The following CDYL2 variants were observed in gnomAD, a reference collection of about 807,000 sequenced individuals.
CDYL2 encodes chromodomain Y-like protein 2.
Under a neutral mutation model 49.4 loss-of-function variants are expected in CDYL2, and 23 were observed. The observed-to-expected ratio is 0.47, with a 90% CI of 0.34 to 0.66. The LOEUF is 0.66. Among genes scored for constraint, CDYL2 ranks in the 30% least tolerant of loss-of-function variants. The probability of loss-of-function intolerance (pLI) is 0.01; values close to 1 mark genes in which losing one functional copy is unlikely to be tolerated. For synonymous variants in CDYL2, 360 were observed against 268.8 expected (o/e 1.34, Z -3.32); for missense variants, 678 against 656.4 (o/e 1.03, Z -0.36).
At chr16:80,779,355 A>AAAC (rs150441189) in intron 1 of CDYL2, among the ~76,000 whole-genome samples, 33,284 of 151,806 alleles carry the variant, frequency 0.22, 6,142 homozygotes, top group African/African-American at 0.51. Flanking sequence ...TGCATTTTTT[A>AAAC]AATAATACGA....
intron 2 of CDYL2, among the ~76,000 whole-genome samples, chr16:80,667,257 C>T (rs780453750): frequency 6.6e-6 from 1 of 152,114 alleles, no homozygotes; most frequent in Admixed American, 6.5e-5. Context: ...TTAAGACAAG[C>T]CTGACTACCC....
intron 1 of CDYL2, among the ~76,000 whole-genome samples, chr16:80,727,674 A>T (rs1053867456): frequency 6.6e-6 from 1 of 152,244 alleles, no homozygotes; most frequent in African/African-American, 2.4e-5. Context: ...AGACAGCAGT[A>T]ACCTCTGCAG....
At chr16:80,748,608 G>T (rs193044845) in intron 1 of CDYL2, among the ~76,000 whole-genome samples, 12 of 149,222 alleles carry the variant, frequency 8.0e-5, no homozygotes, top group African/African-American at 2.7e-4. Flanking sequence ...TGGAAGACAG[G>T]GTTAATAAGA....
intron 1 of CDYL2, among the ~76,000 whole-genome samples, chr16:80,721,176 G>A (rs1220650773): frequency 6.6e-6 from 1 of 152,142 alleles, no homozygotes; most frequent in African/African-American, 2.4e-5. Flanking sequence ...CAGAATAAGA[G>A]TGCTAAGAAA....
chr16:80,766,520 GA>G (rs1300751386), intron 1 of CDYL2, among the ~76,000 whole-genome samples: 1 of 152,048 alleles, frequency 6.6e-6, no homozygotes, highest in Non-Finnish European at 1.5e-5. Context: ...CTTTCTAGGG[GA>G]AAAAAGGACT....
At chr16:80,753,967 C>G (rs986139128) in intron 1 of CDYL2, among the ~76,000 whole-genome samples, 3 of 152,156 alleles carry the variant, frequency 2.0e-5, no homozygotes, top group African/African-American at 7.2e-5. Context: ...AGAACAGATG[C>G]AGGAAACACA....
intron 3 of CDYL2, among the ~76,000 whole-genome samples, chr16:80,632,215 C>T (rs1907595377): frequency 6.6e-6 from 1 of 152,014 alleles, no homozygotes; most frequent in Admixed American, 6.5e-5. Context: ...TCTATTCATA[C>T]AATGGAATAT....
rs111631472 is a variant in CDYL2 at position 80,728,987 on chromosome 16, C to G, written c.25-43858G>C. On this transcript the variant is annotated intron_variant, in intron 1 of 6. Coordinates refer to ENST00000570137, the MANE Select transcript of CDYL2 (RefSeq NM_152342.4). ...GGAAAGGAACAACCGGTACCAGCCA[C>G]TGCAAAATCATGCCAAAATGTAAAG... 2.0e-5 allele frequency among the ~76,000 whole-genome samples: 3 copies of G among 152,120 alleles called. No individual in the cohort carries two copies. The South Asian group carries it at 6.3e-4, about 32-fold the overall frequency.
chr16:80,702,560 C>A (rs9940498), intron 1 of CDYL2, among the ~76,000 whole-genome samples: 3 of 151,850 alleles, frequency 2.0e-5, no homozygotes, highest in Non-Finnish European at 4.4e-5. Flanking sequence ...GACCATCCTG[C>A]GCAACAGAGT....
rs1260795515 is a variant in CDYL2, at chr16:80,598,473, C to T, written c.*5915G>A. The T allele has an allele frequency of 1.3e-5, 2 of 152,136 alleles. No homozygotes were observed. Among genetic ancestry groups the T allele is most frequent in the East Asian group, 1.9e-4 (1 of 5,194 alleles). 9.4% of individuals were successfully genotyped at this position (152,136 alleles called of 1,614,324 possible). Reference sequence around the variant, plus strand: ...ATGAGAATGGAGAGAGAACTGAAGACAATTCTTCTCACACCTAACAGGAAT... The same window carrying T: ...ATGAGAATGGAGAGAGAACTGAAGATAATTCTTCTCACACCTAACAGGAAT... On this transcript the variant is annotated 3_prime_UTR_variant, in exon 7 of 7. Transcript: ENST00000570137.
intron 1 of CDYL2, among the ~76,000 whole-genome samples, chr16:80,742,745 A>G (rs1244718485): frequency 6.8e-6 from 1 of 147,962 alleles, no homozygotes; most frequent in Non-Finnish European, 1.5e-5. Context: ...TGGGTGAGTG[A>G]GTGGGTGGAT....
At chr16:80,690,324 G>T (rs1250283223) in intron 1 of CDYL2, among the ~76,000 whole-genome samples, 1 of 151,736 alleles carries the variant, frequency 6.6e-6, no homozygotes, top group African/African-American at 2.4e-5. Context: ...GAGCAGTGAG[G>T]GGCCTTCCAA....
intron 3 of CDYL2, among the ~76,000 whole-genome samples, chr16:80,628,889 T>C (rs899794299): frequency 3.3e-5 from 5 of 152,156 alleles, no homozygotes; most frequent in Admixed American, 1.3e-4. Context: ...CAAATACATG[T>C]AGACTAACAA....
At chr16:80,768,419 G>C (rs1906797585) in intron 1 of CDYL2, among the ~76,000 whole-genome samples, 1 of 152,162 alleles carries the variant, frequency 6.6e-6, no homozygotes, top group Non-Finnish European at 1.5e-5. Flanking sequence ...AAATACCATA[G>C]ACTGTGTGAT....
chr16:80,638,936 T>C (rs1907959899), intron 2 of CDYL2, among the ~76,000 whole-genome samples: 1 of 152,086 alleles, frequency 6.6e-6, no homozygotes, highest in Non-Finnish European at 1.5e-5. Flanking sequence ...ACTTTTTACA[T>C]AAGACACTAA....
intron 2 of CDYL2, among the ~76,000 whole-genome samples, chr16:80,656,384 G>A (rs548535643): frequency 4.6e-5 from 7 of 152,364 alleles, no homozygotes; most frequent in African/African-American, 1.7e-4. Context: ...CCAGGGTGAC[G>A]TCCAGTCGGG....
intron 1 of CDYL2, among the ~76,000 whole-genome samples, chr16:80,751,929 C>G (rs1482797448): frequency 6.6e-6 from 1 of 152,136 alleles, no homozygotes; most frequent in African/African-American, 2.4e-5. Context: ...TGAGTGAATA[C>G]TCTTTGTAGA....
intron 2 of CDYL2, among the ~76,000 whole-genome samples, chr16:80,669,841 G>T (rs1909426200): frequency 6.6e-6 from 1 of 152,216 alleles, no homozygotes; most frequent in Non-Finnish European, 1.5e-5. Flanking sequence ...GTGACACATG[G>T]CTCAGCCATG....
At chr16:80,737,006 C>T (rs964298817) in intron 1 of CDYL2, among the ~76,000 whole-genome samples, 46 of 152,240 alleles carry the variant, frequency 3.0e-4, no homozygotes, top group Admixed American at 8.5e-4. Context: ...CTCTGCCTTT[C>T]TTTTGTTACG....
Sources: allele counts gnomAD v4.1 joint callset (sites outside exome capture counted in the v4.1 genomes callset), GRCh38; gene constraint gnomAD v4.1.1; transcripts MANE v1.5; gene names NCBI Gene and HGNC (gene_info 2026-07-23, HGNC 2026-07-21).